The following FAM184A variants were observed in gnomAD, a reference collection of about 807,000 sequenced individuals.
FAM184A encodes the protein protein FAM184A.
A neutral mutation model predicts 143.8 loss-of-function variants in FAM184A; 99 were observed. The ratio of observed to expected loss-of-function variants is 0.69; its 90% confidence interval spans 0.58 to 0.81. The LOEUF (loss-of-function observed/expected upper bound fraction) is 0.81. Among genes scored for constraint, FAM184A ranks in the 40% least tolerant of loss-of-function variants. FAM184A has a pLI of 0.00. For synonymous variants in FAM184A, 427 were observed against 446.4 expected, an observed-to-expected ratio of 0.96 and a Z score of 0.55; for missense variants, 1,217 against 1,310.5, an observed-to-expected ratio of 0.93 and a Z score of 1.10.
intron 9 of FAM184A, among the ~76,000 whole-genome samples, chr6:118,981,706 G>A (rs1784030888): frequency 6.6e-6 from 1 of 152,156 alleles, no homozygotes; most frequent in Admixed American, 6.5e-5. Flanking sequence ...GTGAGCTTAG[G>A]GTGATGATTA....
intron 1 of FAM184A, among the ~76,000 whole-genome samples, chr6:119,065,787 C>T (rs527851786): frequency 6.6e-6 from 1 of 151,146 alleles, no homozygotes; most frequent in Admixed American, 6.6e-5. Context: ...ATCTCTCTAC[C>T]ACTATTGTCC....
intron 1 of FAM184A, among the ~76,000 whole-genome samples, chr6:119,097,589 C>T (rs1788540054): frequency 6.6e-6 from 1 of 152,036 alleles, no homozygotes; most frequent in Non-Finnish European, 1.5e-5. Context: ...CTCCCATAGC[C>T]CTGGTTACTT....
chr6:119,039,042 A>G (rs1786219796), intron 1 of FAM184A, among the ~76,000 whole-genome samples: 2 of 152,266 alleles, frequency 1.3e-5, no homozygotes, highest in Admixed American at 1.3e-4. Context: ...TACATGGCAA[A>G]TAAGTATATG....
In FAM184A at chr6:119,005,845, CAG is replaced by C. The variant is rs201862373; in HGVS notation, c.1815+600_1815+601del. 5.4e-3 allele frequency: 2,370 copies of C among 438,114 alleles called. 57 individuals are homozygous for C. Among genetic ancestry groups the C allele is most frequent in the African/African-American group, 0.043 (2,177 of 50,648 alleles). The allele number at this position is 438,114 out of a possible 1,614,324, so 27.1% of individuals were successfully genotyped here. ...CTTCATAAGAGTGGAAGAAAAAAGG[CAG>C]AGTCTTTCTGAAATCTGCAGACACA... On this transcript the variant is annotated intron_variant, in intron 7 of 17. Transcript: ENST00000338891.
intron 1 of FAM184A, among the ~76,000 whole-genome samples, chr6:119,064,197 C>G (rs1186411425): frequency 6.6e-6 from 1 of 152,162 alleles, no homozygotes; most frequent in East Asian, 1.9e-4. Flanking sequence ...TACCTCACTT[C>G]CTTCCTTACA....
Position 119,002,914 on chromosome 6 carries a change from T to C in FAM184A, c.2073A>G (p.Glu691=), listed in dbSNP as rs1479306896. 2.5e-6 allele frequency: 4 copies of C among 1,610,870 alleles called. 1 individual carries two copies. The South Asian group carries it at 4.4e-5, about 18-fold the overall frequency. ...TATTAATTACCTGGTTTAAGAGATC[T>C]TCTACTTTCTTCTGCCATGAATCTC... ...AARDSWQKKV[E]DLLNQISLLK... is the part of the protein sequence containing the mutation. Residue 691 remains glutamate (E), a synonymous_variant, in exon 9 of 18, where the codon GAA becomes GAG. Transcript: ENST00000338891.
intron 1 of FAM184A, among the ~76,000 whole-genome samples, chr6:119,061,490 G>T (rs1582570564): frequency 6.6e-6 from 1 of 150,378 alleles, no homozygotes; most frequent in Admixed American, 6.6e-5. Flanking sequence ...TAAGTATCTG[G>T]GACTACAGGT....
chr6:119,064,349 T>C (rs1369527756), intron 1 of FAM184A, among the ~76,000 whole-genome samples: 1 of 152,208 alleles, frequency 6.6e-6, no homozygotes, highest in African/African-American at 2.4e-5. Context: ...TCTCTCCTCA[T>C]ATGCTCAACC....
At chr6:119,146,397 C>CGTGTGTGTGTGTGTGT (rs60937351) in intron 1 of FAM184A, among the ~76,000 whole-genome samples, 2 of 136,392 alleles carry the variant, frequency 1.5e-5, no homozygotes, top group African/African-American at 5.5e-5. Flanking sequence ...GATTAACTTA[C>CGTGTGTGTGTGTGTGT]GTGTGTGTGT....
At chr6:119,018,024 A>G (rs1785321811) in intron 4 of FAM184A, among the ~76,000 whole-genome samples, 1 of 152,212 alleles carries the variant, frequency 6.6e-6, no homozygotes, top group African/African-American at 2.4e-5. Context: ...CATTTCATGC[A>G]CGGACCGCAG....
chr6:119,131,836 T>A (rs968756074), intron 1 of FAM184A, among the ~76,000 whole-genome samples: 3 of 152,140 alleles, frequency 2.0e-5, no homozygotes, highest in African/African-American at 7.2e-5. Context: ...TCCTGTATTG[T>A]GTTTTGTGCT....
intron 1 of FAM184A, 70 bp from the exon 2 acceptor site, chr6:119,024,883 T>C: frequency 7.4e-7 from 1 of 1,358,670 alleles, no homozygotes; most frequent in Non-Finnish European, 1.0e-6. Flanking sequence ...AAGTCAATTC[T>C]TTCATTTGGA....
intron 14 of FAM184A, among the ~76,000 whole-genome samples, chr6:118,967,816 CAT>C (rs202235519): frequency 0.019 from 2,843 of 152,192 alleles, 99 homozygotes; most frequent in African/African-American, 0.066. Flanking sequence ...ATTTCAATAA[CAT>C]TATTCAATAA....
intron 4 of FAM184A, among the ~76,000 whole-genome samples, chr6:119,018,367 T>C (rs1349475726): frequency 6.6e-6 from 1 of 152,218 alleles, no homozygotes; most frequent in Non-Finnish European, 1.5e-5. Flanking sequence ...CTAGGTCTGT[T>C]GTCAAAAGCC....
chr6:119,103,640 A>G (rs1231263120), intron 1 of FAM184A, among the ~76,000 whole-genome samples: 1 of 115,944 alleles, frequency 8.6e-6, no homozygotes, highest in Non-Finnish European at 1.8e-5. Context: ...AAAAAGAGAG[A>G]GAGGAGGCCA....
intron 1 of FAM184A, among the ~76,000 whole-genome samples, chr6:119,067,964 T>C (rs1005235102): frequency 2.0e-5 from 3 of 151,574 alleles, no homozygotes; most frequent in African/African-American, 7.3e-5. Context: ...ATAGCCAGAC[T>C]CTATCTCTAA....
chr6:118,977,075 T>C (rs1314642901), intron 11 of FAM184A, among the ~76,000 whole-genome samples: 3 of 152,218 alleles, frequency 2.0e-5, no homozygotes, highest in African/African-American at 7.2e-5. Context: ...CTTATGTTTA[T>C]ATGAAATTTG....
chr6:119,044,719 C>T (rs973790808), intron 1 of FAM184A, among the ~76,000 whole-genome samples: 1 of 151,812 alleles, frequency 6.6e-6, no homozygotes, highest in African/African-American at 2.4e-5. Context: ...TTACATGCCC[C>T]AAATAATTTA....
At chr6:118,966,994 T>C in intron 14 of FAM184A, 42 bp from the exon 15 acceptor site, 1 of 949,394 alleles carries the variant, frequency 1.1e-6, no homozygotes, top group Non-Finnish European at 1.6e-6. Flanking sequence ...ATCACTCAGA[T>C]ACATTCTTCT....
Sources: gnomAD v4.1 joint callset for allele counts (sites outside exome capture counted in the v4.1 genomes callset) on GRCh38, gnomAD v4.1.1 for gene constraint, MANE v1.5 for transcripts, NCBI Gene and HGNC (gene_info 2026-07-23, HGNC 2026-07-21) for gene names.